The following NCAPG2 variants were observed in gnomAD, a reference collection of about 807,000 sequenced individuals.
NCAPG2 encodes condensin-2 complex subunit G2.
NCAPG2 carries 53 observed loss-of-function variants against 141.1 expected under a neutral mutation model. The ratio of observed to expected loss-of-function variants is 0.38; its 90% confidence interval spans 0.30 to 0.47. The LOEUF is 0.47. Ranked by LOEUF, NCAPG2 falls within the 20% of genes least tolerant of loss-of-function variation. The pLI is 0.99. For synonymous variants in NCAPG2, 499 were observed against 490.7 expected, an observed-to-expected ratio of 1.02 and a Z score of -0.22; for missense variants, 1,087 against 1,389.0, an observed-to-expected ratio of 0.78 and a Z score of 3.46.
rs768095971 is a variant in NCAPG2, at chr7:158,650,969, G to C, written c.2938C>G (p.Leu980Val). 2 of 1,572,900 alleles carry C rather than the reference G, an allele frequency of 1.3e-6. No homozygotes were observed. The highest frequency in any genetic ancestry group is 4.6e-5 in the East Asian group (2 of 43,506). The part of the protein sequence containing the change: ...RKQPEEGLRL[L>V]YSVQRPLHEF... ...TGAAGAGGCCTCTGAACAGAATAAA[G>C]CAGCTACAAGAAAACACATACGTCA... is the stretch of plus-strand genomic sequence containing the variant. Residue 980 changes from leucine (L) to valine (V), a missense_variant, in exon 24 of 28, where the codon CTT (leucine) becomes GTT (valine). By Grantham distance (32) the Leu-to-Val change is conservative. Coordinates refer to ENST00000356309, the MANE Select transcript of NCAPG2 (RefSeq NM_017760.7).
intron 16 of NCAPG2, among the ~76,000 whole-genome samples, chr7:158,659,692 T>A (rs984795541): frequency 1.3e-5 from 2 of 152,098 alleles, no homozygotes; most frequent in African/African-American, 2.4e-5. Context: ...AAAATAATGA[T>A]AATAATAATA....
intron 2 of NCAPG2, among the ~76,000 whole-genome samples, chr7:158,695,646 A>G (rs939587352): frequency 6.6e-6 from 1 of 152,258 alleles, no homozygotes; most frequent in Non-Finnish European, 1.5e-5. Flanking sequence ...AGCTGTTCAA[A>G]TATCAAAATG....
At chr7:158,641,125 A>T (rs978536888) in intron 27 of NCAPG2, 2 of 150,942 alleles carry the variant, frequency 1.3e-5, no homozygotes, top group Non-Finnish European at 1.4e-5. Context: ...AGAAAGGTTT[A>T]AAAAAAAAAA....
chr7:158,640,052 C>CAAAAAAAAAAAAAAAAAAGAA (rs1830534349), intron 27 of NCAPG2: 1 of 98,324 alleles, frequency 1.0e-5, no homozygotes, highest in Non-Finnish European at 2.0e-5. Context: ...GAATAAATGC[C>CAAAAAAAAAAAAAAAAAAGAA]AAAAAAAAAA....
At chr7:158,655,478 G>A (rs376573723) in intron 19 of NCAPG2, 23 bp from the exon 20 acceptor site, 25 of 1,587,582 alleles carry the variant, frequency 1.6e-5, no homozygotes, top group Admixed American at 1.7e-5. Context: ...AAACCCAAGG[G>A]CCACATGCTG....
At chr7:158,650,671 A>G (rs1395291738) in intron 24 of NCAPG2, among the ~76,000 whole-genome samples, 161 bp downstream of exon 24, 1 of 152,258 alleles carries the variant, frequency 6.6e-6, no homozygotes, top group Non-Finnish European at 1.5e-5. Flanking sequence ...CTAACTAGCT[A>G]TCAAACTCTG....
At chr7:158,680,132 T>C (rs1834357113) in intron 10 of NCAPG2, 47 bp from the exon 11 acceptor site, 2 of 1,584,614 alleles carry the variant, frequency 1.3e-6, no homozygotes, top group South Asian at 1.1e-5. Context: ...AGAGTTAACA[T>C]ACGAAGGCTT....
Position 158,676,087 on chromosome 7 carries a change from C to A in NCAPG2, c.1147-431G>T, listed in dbSNP as rs573258896. 1.1e-4 allele frequency among the ~76,000 whole-genome samples: 16 copies of A among 152,246 alleles called. No homozygotes were observed. The South Asian group carries it at 3.3e-3, about 32-fold the overall frequency. On this transcript the variant is annotated intron_variant, in intron 11 of 27. Coordinates refer to ENST00000356309, the MANE Select transcript of NCAPG2 (RefSeq NM_017760.7). ...ATGATCGTCAGTGGTACTAAAAATT[C>A]AAAAACAGACAATGAGGCAATAAGT...
At chr7:158,666,855 G>A (rs973241776) in intron 13 of NCAPG2, among the ~76,000 whole-genome samples, 1 of 152,270 alleles carries the variant, frequency 6.6e-6, no homozygotes, top group South Asian at 2.1e-4. Context: ...CAGCAGCCCA[G>A]GCCTACCACA....
In NCAPG2 at chr7:158,664,225, C is replaced by T. The variant is rs1231288091; in HGVS notation, c.1774G>A (p.Asp592Asn). The change falls in exon 15 of 28, where the codon GAC becomes AAC. Residue 592 changes from aspartate to asparagine, a missense_variant. Physicochemically the swap from Asp to Asn is conservative, Grantham distance 23. Coordinates refer to ENST00000356309, the MANE Select transcript of NCAPG2 (RefSeq NM_017760.7). ...IQRAVREPPE[D>N]EEEEDGREKE... ...TCCCTTCCGTCCTCTTCCTCCTCGT[C>T]CTCTGGAGGCTCTCTCACTGCCCTC... 1 of 1,613,778 alleles carries T rather than the reference C, an allele frequency of 6.2e-7. No individual in the cohort carries two copies.
intron 13 of NCAPG2, among the ~76,000 whole-genome samples, chr7:158,666,943 G>A (rs868065397): frequency 3.3e-5 from 5 of 152,080 alleles, no homozygotes; most frequent in Non-Finnish European, 5.9e-5. Flanking sequence ...CACTGGGCCA[G>A]CACACCCATT....
intron 2 of NCAPG2, among the ~76,000 whole-genome samples, chr7:158,696,839 C>A (rs947496391): frequency 2.6e-5 from 4 of 152,166 alleles, no homozygotes; most frequent in Non-Finnish European, 5.9e-5. Flanking sequence ...TCTGCATGGC[C>A]CATTTGGATC....
intron 13 of NCAPG2, among the ~76,000 whole-genome samples, chr7:158,669,065 T>G (rs979180221): frequency 6.6e-6 from 1 of 152,208 alleles, no homozygotes; most frequent in Non-Finnish European, 1.5e-5. Flanking sequence ...GATAATAGCT[T>G]CCAGCTCCAT....
At chr7:158,694,908 A>G (rs6945438) in intron 2 of NCAPG2, among the ~76,000 whole-genome samples, 139,610 of 152,172 alleles carry the variant, frequency 0.92, 64,094 homozygotes, top group East Asian at 0.96. Context: ...ATTTTCCTTA[A>G]GCCTTTGCCT....
In NCAPG2 at chr7:158,658,350, A is replaced by T. The variant is rs1288455948; in HGVS notation, c.2048T>A (p.Val683Asp). 18 of 1,611,282 alleles carry T rather than the reference A, an allele frequency of 1.1e-5. No individual in the cohort carries two copies. Among genetic ancestry groups the T allele is most frequent in the Non-Finnish European group, 1.5e-5 (18 of 1,178,704 alleles). ...MLMSFMPASAVPPFSCGVIST... is the reference protein window; with the variant it reads ...MLMSFMPASADPPFSCGVIST... ...ACAGAGCAAATACCTGAATGGGGGG[A>T]CAGCAGAGGCCGGCATAAAGGACAT... The change falls in exon 17 of 28, where the codon GTC becomes GAC. Residue 683 changes from valine to aspartate, a missense_variant. Val to Asp is a radical substitution (Grantham distance 152). Coordinates refer to ENST00000356309, the MANE Select transcript of NCAPG2 (RefSeq NM_017760.7).
chr7:158,691,946 T>C (rs1489147587), intron 4 of NCAPG2, among the ~76,000 whole-genome samples: 4 of 152,224 alleles, frequency 2.6e-5, no homozygotes, highest in African/African-American at 4.8e-5. Context: ...GAAAAACCTG[T>C]AAATAGCAGT....
intron 9 of NCAPG2, among the ~76,000 whole-genome samples, chr7:158,681,072 G>A (rs563777052): frequency 6.6e-6 from 1 of 152,214 alleles, no homozygotes; most frequent in South Asian, 2.1e-4. Flanking sequence ...AAAATGGTTT[G>A]GGTTCTAGTT....
At chr7:158,688,023 T>G (rs1471038772) in intron 6 of NCAPG2, among the ~76,000 whole-genome samples, 2 of 152,178 alleles carry the variant, frequency 1.3e-5, no homozygotes, top group East Asian at 3.8e-4. Context: ...ATCTTCATAC[T>G]CTATAGAGTG....
At chr7:158,678,368 G>A (rs922361113) in intron 11 of NCAPG2, among the ~76,000 whole-genome samples, 7 of 152,048 alleles carry the variant, frequency 4.6e-5, no homozygotes, top group Non-Finnish European at 1.0e-4. Flanking sequence ...GCCAGACCCA[G>A]CTGGTACCTG....
Sources: gnomAD v4.1 joint callset for allele counts (sites outside exome capture counted in the v4.1 genomes callset) on GRCh38, gnomAD v4.1.1 for gene constraint, MANE v1.5 for transcripts, NCBI Gene and HGNC (gene_info 2026-07-23, HGNC 2026-07-21) for gene names.